The following ICA1 variants were observed in gnomAD, a reference collection of about 807,000 sequenced individuals.
The protein encoded by ICA1 is islet cell autoantigen 1.
Under a neutral mutation model 71.0 loss-of-function variants are expected in ICA1, and 40 were observed. That is an observed-to-expected ratio of 0.56 (90% CI 0.44 to 0.73). ICA1 has a LOEUF of 0.73. ICA1 is among the 30% of genes least tolerant of loss of function. The pLI, the probability that ICA1 is intolerant of heterozygous loss-of-function variation, is 0.00. For synonymous variants in ICA1, 207 were observed against 209.5 expected, an observed-to-expected ratio of 0.99 and a Z score of 0.10; for missense variants, 578 against 576.5, an observed-to-expected ratio of 1.00 and a Z score of -0.03.
At chr7:8,212,822 T>C (rs1794244197) in intron 6 of ICA1, among the ~76,000 whole-genome samples, 1 of 152,206 alleles carries the variant, frequency 6.6e-6, no homozygotes, top group Non-Finnish European at 1.5e-5. Flanking sequence ...ATGCATGTTA[T>C]TTTAAATGGT....
Position 8,186,830 on chromosome 7 carries a change from G to C in ICA1, c.580-28178C>G, listed in dbSNP as rs567266516. The stretch of plus-strand genomic sequence containing the variant: ...CTGAGAAGGGGAAATATGAAAACTA[G>C]TTAGAGTTGTATTCTTATTCCAGTA... On this transcript the variant is annotated intron_variant, in intron 6 of 13. Transcript: ENST00000402384. Among the ~76,000 whole-genome samples the C allele has an allele frequency of 4.1e-4, 62 of 152,238 alleles. 1 individual carries two copies. The South Asian group carries it at 0.012, about 31-fold the overall frequency.
At chr7:8,241,051 G>T (rs555155519) in intron 1 of ICA1, among the ~76,000 whole-genome samples, 126 of 152,152 alleles carry the variant, frequency 8.3e-4, no homozygotes, top group African/African-American at 2.8e-3. Context: ...TTCAAATTCA[G>T]GAATTACAGA....
At chr7:8,159,203 C>T (rs973126735) in intron 6 of ICA1, among the ~76,000 whole-genome samples, 5 of 152,130 alleles carry the variant, frequency 3.3e-5, no homozygotes, top group South Asian at 2.1e-4. Context: ...AAGATCCCGT[C>T]GGAGGGAATT....
rs1162590020 is a variant in ICA1, at chr7:8,123,702, G to A, written c.1330+4171C>T. 1.3e-5 allele frequency among the ~76,000 whole-genome samples: 2 copies of A among 152,094 alleles called. No individual in the cohort carries two copies. Among genetic ancestry groups the A allele is most frequent in the African/African-American group, 4.8e-5 (2 of 41,406 alleles). On this transcript the variant is annotated intron_variant, in intron 13 of 13. Coordinates refer to ENST00000402384, the MANE Select transcript of ICA1 (RefSeq NM_001136020.3). The surrounding 1 kb of genome is among the most constrained non-coding windows in gnomAD (Gnocchi z 4.1). ...CCTAAATATCTCTATCCCTGTGTGC[G>A]ACCAGGATGCCCAGGCCAGGGTGTC...
chr7:8,135,322 C>T (rs11983637), intron 12 of ICA1, among the ~76,000 whole-genome samples: 10,482 of 152,042 alleles, frequency 0.069, 540 homozygotes, highest in African/African-American at 0.14. Context: ...CCACCGCGCC[C>T]GGCCAGAATC....
intron 13 of ICA1, among the ~76,000 whole-genome samples, chr7:8,121,726 A>C (rs1258541684): frequency 6.6e-6 from 1 of 152,244 alleles, no homozygotes; most frequent in Non-Finnish European, 1.5e-5. Flanking sequence ...AATAATTTAC[A>C]GTACATTTAA....
chr7:8,241,136 A>G (rs572500079), intron 1 of ICA1, among the ~76,000 whole-genome samples: 2 of 152,326 alleles, frequency 1.3e-5, no homozygotes, highest in East Asian at 3.9e-4. Context: ...GGTTGAAATG[A>G]AGGAAAAAAT....
At chr7:8,136,553 T>G (rs989190429) in intron 12 of ICA1, among the ~76,000 whole-genome samples, 1 of 152,212 alleles carries the variant, frequency 6.6e-6, no homozygotes, top group Non-Finnish European at 1.5e-5. Context: ...AAGCCGACGC[T>G]ACCCTGTGGG....
At position 8,132,890 on chromosome 7, in the gene ICA1, A is replaced by G. The variant is rs1791999565; in HGVS notation, c.1061-4748T>C. On this transcript the variant is annotated intron_variant, in intron 12 of 13. Coordinates refer to ENST00000402384, the MANE Select transcript of ICA1 (RefSeq NM_001136020.3). The surrounding 1 kb of genome is among the most constrained non-coding windows in gnomAD (Gnocchi z 4.5). ...CCCTTCTGGGTTTGCCCATTGGTGA[A>G]GCTGCTGGTGCTCCATAGAGGAACC... Among the ~76,000 whole-genome samples, 1 of 152,168 alleles carries G rather than the reference A, an allele frequency of 6.6e-6. No homozygotes were observed. The highest frequency in any genetic ancestry group is 1.5e-5 in the Non-Finnish European group (1 of 68,038).
intron 6 of ICA1, among the ~76,000 whole-genome samples, chr7:8,196,650 G>A (rs1426458188): frequency 1.3e-5 from 2 of 152,142 alleles, no homozygotes; most frequent in Admixed American, 6.5e-5. Context: ...TGAGTATGCA[G>A]AAACTCTGTA....
chr7:8,240,711 G>A (rs1336254058), intron 1 of ICA1, among the ~76,000 whole-genome samples: 2 of 152,106 alleles, frequency 1.3e-5, no homozygotes, highest in Non-Finnish European at 2.9e-5. Flanking sequence ...GTGTAGAGAA[G>A]ACTTAAATGA....
chr7:8,213,950 A>C (rs1413614022), intron 6 of ICA1, among the ~76,000 whole-genome samples: 1 of 152,242 alleles, frequency 6.6e-6, no homozygotes, highest in Admixed American at 6.5e-5. Flanking sequence ...CTCATTTCCT[A>C]TAATACCTTT....
Position 8,252,263 on chromosome 7 carries a change from C to CA in ICA1, c.-80+9830dup, listed in dbSNP as rs1021872337. The stretch of plus-strand genomic sequence containing the variant: ...TTTCAAAAGCTGAAGAATGAAGGAA[C>CA]ACCCTAATCAGATAAAAGTCTCGAT... On this transcript the variant is annotated intron_variant, in intron 1 of 13. Coordinates refer to ENST00000402384, the MANE Select transcript of ICA1 (RefSeq NM_001136020.3). 5.8e-4 allele frequency among the ~76,000 whole-genome samples: 89 copies of CA among 152,164 alleles called. 1 individual carries two copies. The highest frequency in any genetic ancestry group is 6.2e-4 in the Non-Finnish European group (42 of 68,018).
At chr7:8,233,302 G>A (rs1023472010) in intron 2 of ICA1, among the ~76,000 whole-genome samples, 7 of 152,132 alleles carry the variant, frequency 4.6e-5, no homozygotes, top group African/African-American at 1.7e-4. Context: ...AGGAAGAAAT[G>A]AGAAATTACT....
intron 1 of ICA1, among the ~76,000 whole-genome samples, chr7:8,253,833 T>C (rs1373671606): frequency 6.6e-6 from 1 of 152,184 alleles, no homozygotes; most frequent in East Asian, 1.9e-4. Context: ...TTAATTCATA[T>C]GTACATAGAA....
At chr7:8,182,454 G>C (rs908445109) in intron 6 of ICA1, among the ~76,000 whole-genome samples, 1 of 152,160 alleles carries the variant, frequency 6.6e-6, no homozygotes, top group East Asian at 1.9e-4. Flanking sequence ...GACTATGAAA[G>C]TTGGGCAGAG....
chr7:8,167,563 A>G (rs1378638933), intron 6 of ICA1, among the ~76,000 whole-genome samples: 2 of 152,102 alleles, frequency 1.3e-5, no homozygotes, highest in Non-Finnish European at 2.9e-5. Flanking sequence ...TAATCTGTAC[A>G]CCAAACCCCC....
intron 6 of ICA1, among the ~76,000 whole-genome samples, chr7:8,184,551 A>T (rs1270971617): frequency 4.6e-5 from 7 of 152,346 alleles, no homozygotes; most frequent in African/African-American, 1.7e-4. Flanking sequence ...CAATATATAA[A>T]TCACAAGATA....
At chr7:8,261,611 CG>C (rs1472869913) in intron 1 of ICA1, among the ~76,000 whole-genome samples, 1 of 152,138 alleles carries the variant, frequency 6.6e-6, no homozygotes, top group Non-Finnish European at 1.5e-5. Flanking sequence ...AAAAGGGCCA[CG>C]GAGGGGAAGA....
Sources: gnomAD v4.1 joint callset for allele counts (sites outside exome capture counted in the v4.1 genomes callset) on GRCh38, gnomAD v4.1.1 for gene constraint, Gnocchi (gnomAD v3.1) non-coding constraint, MANE v1.5 for transcripts, NCBI Gene and HGNC (gene_info 2026-07-23, HGNC 2026-07-21) for gene names.